FTSJ3: variants seen among roughly 807,000 people sequenced by gnomAD.
FTSJ3 encodes FtsJ RNA 2'-O-methyltransferase 3, also known as pre-rRNA 2'-O-ribose RNA methyltransferase FTSJ3.
FTSJ3 carries 46 observed loss-of-function variants against 111.5 expected under a neutral mutation model. The observed-to-expected ratio is 0.41, with a 90% CI of 0.33 to 0.53. The LOEUF (loss-of-function observed/expected upper bound fraction) is 0.53, where lower values mean the gene tolerates loss of function less well. Among genes scored for constraint, FTSJ3 ranks in the 20% least tolerant of loss-of-function variants. The pLI is 0.19. For synonymous variants in FTSJ3, 408 were observed against 383.0 expected, an observed-to-expected ratio of 1.07 and a Z score of -0.76; for missense variants, 1,075 against 1,063.8, an observed-to-expected ratio of 1.01 and a Z score of -0.15.
In FTSJ3 at chr17:63,827,568, G is replaced by C; in HGVS notation, c.-543C>G. The C allele has an allele frequency of 6.4e-7, 1 of 1,551,434 alleles. No homozygotes were observed. Among genetic ancestry groups the C allele is most frequent in the Non-Finnish European group, 8.7e-7 (1 of 1,146,912 alleles). On this transcript the variant is annotated 5_prime_UTR_variant, in exon 1 of 21. Coordinates refer to ENST00000427159, the MANE Select transcript of FTSJ3 (RefSeq NM_017647.4). ...GGTTACGGGGCTGGGTGCGGAGCGAGCGTGATCTGAGTGGAGAGCGGGCCG... is the reference window on the plus strand; with the variant it reads ...GGTTACGGGGCTGGGTGCGGAGCGACCGTGATCTGAGTGGAGAGCGGGCCG...
chr17:63,826,755 A>C, intron 2 of FTSJ3, 81 bp downstream of exon 2: 1 of 1,544,242 alleles, frequency 6.5e-7, no homozygotes, highest in East Asian at 2.2e-5. Context: ...TCTGCAGGAG[A>C]GGTACATAAT....
Position 63,827,238 on chromosome 17 carries a change from T to C in FTSJ3, c.-213A>G. 1 of 608,194 alleles carries C rather than the reference T, an allele frequency of 1.6e-6. No individual in the cohort carries two copies. The highest frequency in any genetic ancestry group is 2.9e-6 in the Non-Finnish European group (1 of 344,236). 37.7% of individuals were successfully genotyped at this position (608,194 alleles called of 1,614,324 possible). A position where few individuals can be genotyped will look rare whatever the true frequency, so the allele number is the denominator to read the frequency against. ...TGAAAGTTGAGACTAGGAAGGCATA[T>C]CACAAGAACTATAAACAGAGTTTCA... On this transcript the variant is annotated 5_prime_UTR_variant, in exon 1 of 21. Coordinates refer to ENST00000427159, the MANE Select transcript of FTSJ3 (RefSeq NM_017647.4).
At chr17:63,824,270 T>C in intron 11 of FTSJ3, 31 bp from the exon 12 acceptor site, 1 of 1,614,166 alleles carries the variant, frequency 6.2e-7, no homozygotes, top group Non-Finnish European at 8.5e-7. Context: ...GTTGGGTTAT[T>C]TTCCCAGACT....
At chr17:63,826,964 C>G in intron 1 of FTSJ3, 36 bp from the exon 2 acceptor site, 1 of 1,416,294 alleles carries the variant, frequency 7.1e-7, no homozygotes, top group Middle Eastern at 1.8e-4. Flanking sequence ...CGTCTCTTTC[C>G]GGAGCACCAG....
Position 63,820,353 on chromosome 17 carries a change from C to T in FTSJ3, c.2158G>A (p.Gly720Ser). The T allele has an allele frequency of 1.2e-6, 2 of 1,614,132 alleles. No homozygotes were observed. The highest frequency in any genetic ancestry group is 1.7e-6 in the Non-Finnish European group (2 of 1,180,026). The change falls in exon 19 of 21, where the codon GGT becomes AGT. Residue 720 changes from glycine to serine, a missense_variant. Coordinates refer to ENST00000427159, the MANE Select transcript of FTSJ3 (RefSeq NM_017647.4). ...CGGTAATGCTCCACCTCCTTCTTAC[C>T]AACAGGCAACTGTCGTATCCGGTGC... Reference protein sequence around the residue: ...KQHRIRQLPVGKKEVEHYRKR... With the variant: ...KQHRIRQLPVSKKEVEHYRKR...
In FTSJ3 at chr17:63,819,671, C is replaced by T. The variant is rs2040027269; in HGVS notation, c.*131G>A. 1.2e-6 allele frequency: 1 copy of T among 855,950 alleles called. No individual in the cohort carries two copies. Among genetic ancestry groups the T allele is most frequent in the Admixed American group, 2.6e-5 (1 of 38,670 alleles). The allele number at this position is 855,950 out of a possible 1,614,324, so 53.0% of individuals were successfully genotyped here. A position where few individuals can be genotyped will look rare whatever the true frequency, so the allele number is the denominator to read the frequency against. ...AGGACCACCACGGGAGTTCTAGGCA[C>T]TCCACCTCACTGTTCTTCAGACAGC... On this transcript the variant is annotated 3_prime_UTR_variant, in exon 21 of 21. Transcript: ENST00000427159.
In FTSJ3 at chr17:63,825,406, G is replaced by C; in HGVS notation, c.431C>G (p.Ala144Gly). The C allele has an allele frequency of 1.2e-6, 2 of 1,614,188 alleles. No individual in the cohort carries two copies. The highest frequency in any genetic ancestry group is 1.7e-6 in the Non-Finnish European group (2 of 1,180,036). ...AHLTLMALRLACDFLARGGSF... is the reference protein window; with the variant it reads ...AHLTLMALRLGCDFLARGGSF... ...GCCACCACGGGCCAAAAAGTCACAA[G>C]CCAAACGTAGAGCCATCAGTGTCAA... The change falls in exon 7 of 21, where the codon GCT (alanine) becomes GGT (glycine). Residue 144 changes from alanine to glycine, a missense_variant. Ala to Gly is a moderately conservative substitution (Grantham distance 60). Coordinates refer to ENST00000427159, the MANE Select transcript of FTSJ3 (RefSeq NM_017647.4).
Position 63,822,284 on chromosome 17 carries a change from A to G in FTSJ3, c.1291-116T>C, listed in dbSNP as rs554406506. On this transcript the variant is annotated intron_variant, in intron 13 of 20. Transcript: ENST00000427159. Reference sequence around the variant, plus strand: ...CACTAGAAAGAACACTGGCAAATCCATTATCCTTTCACAGATGGGAAAGCT... The same window carrying G: ...CACTAGAAAGAACACTGGCAAATCCGTTATCCTTTCACAGATGGGAAAGCT... 1.6e-5 allele frequency: 13 copies of G among 837,710 alleles called. No individual in the cohort carries two copies. The East Asian group carries it at 3.0e-4, about 19-fold the overall frequency. 51.9% of individuals were successfully genotyped at this position (837,710 alleles called of 1,614,324 possible).
In FTSJ3 at chr17:63,824,688, T is replaced by G. The variant is rs773807280; in HGVS notation, c.866A>C (p.Asp289Ala). Residue 289 changes from aspartate to alanine, a missense_variant, in exon 10 of 21, where the codon GAC becomes GCC. Physicochemically the swap from Asp to Ala is moderately radical, Grantham distance 126. This residue lies in a region of FTSJ3 where 867 missense variants were observed against 796.9 expected (regional missense o/e 1.09). Transcript: ENST00000427159. ...ELAQHPATTE[D>A]IRVCCQDIRV... ...GATGTCCTGACAGCACACCCGTATG[T>G]CCTCAGTGGTAGCTGGATGCTGTGC... 1.9e-6 allele frequency: 3 copies of G among 1,614,138 alleles called. No homozygotes were observed. In the Admixed American group the frequency reaches 5.0e-5, roughly 27 times the overall value.
Position 63,821,605 on chromosome 17 carries a change from G to A in FTSJ3, c.1635C>T (p.Ala545=). The A allele has an allele frequency of 3.1e-6, 5 of 1,613,556 alleles. 1 individual carries two copies. Among genetic ancestry groups the A allele is most frequent in the Admixed American group, 1.7e-5 (1 of 60,006 alleles). Residue 545 remains alanine, a synonymous_variant, in exon 16 of 21, where the codon GCC becomes GCT. Coordinates refer to ENST00000427159, the MANE Select transcript of FTSJ3 (RefSeq NM_017647.4). ...ACAGCTGGGCCTGACTGATCTCCAG[G>A]GCCTCATCGGCATCGTCCTCGATCC... ...FAGIEDDADE[A]LEISQAQLLF...
At chr17:63,820,989 C>A (rs753656347) in intron 17 of FTSJ3, 41 bp downstream of exon 17, 1 of 1,606,252 alleles carries the variant, frequency 6.2e-7, no homozygotes, top group Non-Finnish European at 8.5e-7. Context: ...ACTGAGACTT[C>A]CAGTGGTCTT....
In FTSJ3 at chr17:63,820,000, G is replaced by C. The variant is rs775655190; in HGVS notation, c.2352-6C>G. ...GCCCAGCCTTCTTGTAGAGACTACA[G>C]GGGGGAAGAGAAGAGGTTAGAGGCT... is the stretch of plus-strand genomic sequence containing the variant. On this transcript the variant is annotated splice_polypyrimidine_tract_variant and splice_region_variant and intron_variant, in intron 20 of 20. Transcript: ENST00000427159. 4.3e-6 allele frequency: 7 copies of C among 1,613,738 alleles called. No individual in the cohort carries two copies. In the African/African-American group the frequency reaches 5.3e-5, roughly 12 times the overall value.
In FTSJ3 at chr17:63,824,328, C is replaced by T. The variant is rs778491387; in HGVS notation, c.998+3G>A. 1.2e-6 allele frequency: 2 copies of T among 1,614,120 alleles called. No individual in the cohort carries two copies. The highest frequency in any genetic ancestry group is 2.7e-5 in the African/African-American group (2 of 74,934). ...CACCTGCCTCGCTGCGTTCTCTCCT[C>T]ACCTGATGTCCAGTGCCTTTGCTTG... is the stretch of plus-strand genomic sequence containing the variant. On this transcript the variant is annotated splice_donor_region_variant and intron_variant, in intron 11 of 20. Transcript: ENST00000427159.
chr17:63,822,844 C>T (rs1488585387), intron 13 of FTSJ3, among the ~76,000 whole-genome samples: 2 of 152,194 alleles, frequency 1.3e-5, no homozygotes, highest in Non-Finnish European at 2.9e-5. Context: ...TGAGGGATTA[C>T]ACCTATCTTT....
intron 13 of FTSJ3, 157 bp from the exon 14 acceptor site, chr17:63,822,325 GAATGGCCTGTTTACA>G (rs1310017189): frequency 4.8e-6 from 3 of 626,866 alleles, no homozygotes; most frequent in Non-Finnish European, 8.2e-6. Context: ...CCAGGGTAGT[GAATGGCCTGTTTACA>G]ACATCCCGTT....
chr17:63,824,875 CAG>C lies in FTSJ3; in HGVS notation c.764_765del (p.Thr255ArgfsTer10). 6.2e-7 allele frequency: 1 copy of C among 1,600,052 alleles called. No homozygotes were observed. The highest frequency in any genetic ancestry group is 2.2e-5 in the East Asian group (1 of 44,818). ...DLTLYHRTSV[T>X]DFLRAANPVD... The stretch of plus-strand genomic sequence containing the variant: ...ACAGGGTTGGCAGCTCGGAGGAAGT[CAG>C]TGACTGAGGTACGGTGATAGAGAGT... On this transcript the variant is annotated frameshift_variant, in exon 9 of 21. Coordinates refer to ENST00000427159, the MANE Select transcript of FTSJ3 (RefSeq NM_017647.4). LOFTEE classifies it high-confidence loss of function.
chr17:63,826,272 G>C lies in FTSJ3; in HGVS notation c.206C>G (p.Ser69Cys). 6.2e-7 allele frequency: 1 copy of C among 1,614,112 alleles called. No individual in the cohort carries two copies. The highest frequency in any genetic ancestry group is 8.5e-7 in the Non-Finnish European group (1 of 1,180,004). Reference sequence around the variant, plus strand: ...CCGTTACTCACCCACAATAAGGCTGGATACAGGCATAAACTTGGCAGCTAC... The same window carrying C: ...CCGTTACTCACCCACAATAAGGCTGCATACAGGCATAAACTTGGCAGCTAC... ...LQVAAKFMPVSSLIVGVDLVP... is the reference protein window; with the variant it reads ...LQVAAKFMPVCSLIVGVDLVP... The change falls in exon 4 of 21, where the codon TCC (serine) becomes TGC (cysteine). Residue 69 changes from serine to cysteine, a missense_variant. Physicochemically the swap from Ser to Cys is moderately radical, Grantham distance 112. Around this residue, in one of 2 missense-constraint regions of FTSJ3, gnomAD observed 208 missense variants for 266.9 expected, o/e 0.78. Transcript: ENST00000427159.
rs1446715814 is a variant in FTSJ3, at chr17:63,820,097, T to C, written c.2333A>G (p.Lys778Arg). The change falls in exon 20 of 21, where the codon AAA becomes AGA. Residue 778 changes from lysine (K) to arginine (R), a missense_variant. Physicochemically the swap from Lys to Arg is conservative, Grantham distance 26. Transcript: ENST00000427159. ...CCATTACCTTCGCAGCTGTGCCACT[T>C]TCTCTCGTTCTGAGATGTCCACTGT... Reference protein sequence around the residue: ...VNTVDISEREKVAQLRSLYKK... With the variant: ...VNTVDISERERVAQLRSLYKK... 2 of 1,614,122 alleles carry C rather than the reference T, an allele frequency of 1.2e-6. No individual in the cohort carries two copies. Among genetic ancestry groups the C allele is most frequent in the Admixed American group, 1.7e-5 (1 of 60,024 alleles).
rs185973898 is a variant in FTSJ3, at chr17:63,820,099, C to G, written c.2331G>C (p.Glu777Asp). 1 of 1,614,148 alleles carries G rather than the reference C, an allele frequency of 6.2e-7. No homozygotes were observed. Among genetic ancestry groups the G allele is most frequent in the Non-Finnish European group, 8.5e-7 (1 of 1,180,026 alleles). The change falls in exon 20 of 21, where the codon GAG becomes GAC. Residue 777 changes from glutamate to aspartate, a missense_variant. By Grantham distance (45) the Glu-to-Asp change is conservative (BLOSUM62 2). Transcript: ENST00000427159. ...VVNTVDISER[E>D]KVAQLRSLYK... ...ATTACCTTCGCAGCTGTGCCACTTT[C>G]TCTCGTTCTGAGATGTCCACTGTGT...
Sources: allele counts gnomAD v4.1 joint callset (sites outside exome capture counted in the v4.1 genomes callset), GRCh38; gene constraint gnomAD v4.1.1; regional missense constraint gnomAD v4.1.1; transcripts MANE v1.5; gene names NCBI Gene and HGNC (gene_info 2026-07-23, HGNC 2026-07-21).